PDS5B: variants seen among roughly 807,000 people sequenced by gnomAD.
PDS5B encodes PDS5 cohesin associated factor B.
In PDS5B, 51 loss-of-function variants were observed where a neutral mutation model predicts 184.1. That is an observed-to-expected ratio of 0.28 (90% CI 0.22 to 0.35). The LOEUF (loss-of-function observed/expected upper bound fraction) is 0.35, where lower values mean the gene tolerates loss of function less well. PDS5B is among the 10% of genes least tolerant of loss of function. The pLI is 1.00. For synonymous variants in PDS5B, 566 were observed against 569.2 expected (o/e 0.99, Z 0.08); for missense variants, 1,180 against 1,723.3 (o/e 0.68, Z 5.58).
chr13:32,619,090 C>T (rs543226066), intron 1 of PDS5B, among the ~76,000 whole-genome samples: 1 of 152,208 alleles, frequency 6.6e-6, no homozygotes, highest in African/African-American at 2.4e-5. Flanking sequence ...GCAAATACCC[C>T]TACCCTGTAT....
At chr13:32,647,365 G>C (rs774066149) in intron 1 of PDS5B, among the ~76,000 whole-genome samples, 12 of 152,104 alleles carry the variant, frequency 7.9e-5, no homozygotes, top group Non-Finnish European at 1.6e-4. Context: ...CTACCTCCTG[G>C]GTTCAAGCAG....
chr13:32,625,905 C>G (rs549691437), intron 1 of PDS5B, among the ~76,000 whole-genome samples: 37 of 147,182 alleles, frequency 2.5e-4, no homozygotes, highest in African/African-American at 9.1e-4. Flanking sequence ...TGGGGAAGAT[C>G]TTGGCTCACT....
intron 1 of PDS5B, among the ~76,000 whole-genome samples, chr13:32,645,211 G>A (rs748401470): frequency 4.6e-5 from 7 of 152,112 alleles, no homozygotes; most frequent in Non-Finnish European, 8.8e-5. Context: ...TTGAACTCCT[G>A]GCTTTAAGCA....
chr13:32,600,604 T>C (rs764245817), intron 1 of PDS5B, among the ~76,000 whole-genome samples: 5 of 152,174 alleles, frequency 3.3e-5, no homozygotes, highest in Non-Finnish European at 5.9e-5. Flanking sequence ...GCCGGTGTGA[T>C]GGCAGGCGCC....
At chr13:32,747,079 G>C (rs1451121421) in intron 24 of PDS5B, among the ~76,000 whole-genome samples, 2 of 152,170 alleles carry the variant, frequency 1.3e-5, no homozygotes, top group Non-Finnish European at 2.9e-5. Flanking sequence ...ATTATAAGCA[G>C]TGAAACTTTC....
intron 1 of PDS5B, among the ~76,000 whole-genome samples, chr13:32,624,671 TGG>T (rs2058346158): frequency 6.6e-6 from 1 of 152,152 alleles, no homozygotes; most frequent in Non-Finnish European, 1.5e-5. Context: ...TTGTTGAGCT[TGG>T]TATGTGGAAA....
At chr13:32,672,754 T>C (rs1020705375) in intron 7 of PDS5B, among the ~76,000 whole-genome samples, 2 of 152,204 alleles carry the variant, frequency 1.3e-5, no homozygotes, top group African/African-American at 4.8e-5. Flanking sequence ...TTCCAGCCTA[T>C]TTGGATGATG....
At chr13:32,707,345 C>CT (rs927763704) in intron 18 of PDS5B, among the ~76,000 whole-genome samples, 1 of 151,600 alleles carries the variant, frequency 6.6e-6, no homozygotes, top group Non-Finnish European at 1.5e-5. Flanking sequence ...TTCTAAAACT[C>CT]TTATTTTTTT....
At chr13:32,730,559 TG>T (rs1953075467) in intron 19 of PDS5B, among the ~76,000 whole-genome samples, 1 of 152,220 alleles carries the variant, frequency 6.6e-6, no homozygotes, top group Non-Finnish European at 1.5e-5. Context: ...TTCACGACAT[TG>T]GTTCTTCCTA....
chr13:32,732,675 A>G (rs1338539359), intron 20 of PDS5B, among the ~76,000 whole-genome samples: 2 of 152,130 alleles, frequency 1.3e-5, no homozygotes, highest in Non-Finnish European at 2.9e-5. Context: ...ATTTTGTGTC[A>G]GATATAAAGT....
intron 1 of PDS5B, among the ~76,000 whole-genome samples, chr13:32,599,029 C>G (rs933717578): frequency 6.6e-6 from 1 of 152,182 alleles, no homozygotes; most frequent in Non-Finnish European, 1.5e-5. Flanking sequence ...CTCGGCTTCC[C>G]AAAGTGCTGG....
At chr13:32,740,889 T>C (rs1000059050) in intron 21 of PDS5B, among the ~76,000 whole-genome samples, 191 bp from the exon 22 acceptor site, 1 of 151,930 alleles carries the variant, frequency 6.6e-6, no homozygotes, top group African/African-American at 2.4e-5. Flanking sequence ...ACATAGGCGC[T>C]AGTGAAGGTA....
At chr13:32,608,102 G>T (rs1307961847) in intron 1 of PDS5B, among the ~76,000 whole-genome samples, 1 of 152,182 alleles carries the variant, frequency 6.6e-6, no homozygotes, top group African/African-American at 2.4e-5. Flanking sequence ...TGGAAATGCA[G>T]AAATCACCCG....
At chr13:32,666,958 T>G (rs1054622444) in intron 6 of PDS5B, among the ~76,000 whole-genome samples, 2 of 152,084 alleles carry the variant, frequency 1.3e-5, no homozygotes. Flanking sequence ...ACAAGACATA[T>G]AATTTAATGT....
intron 10 of PDS5B, among the ~76,000 whole-genome samples, chr13:32,683,586 C>G (rs1474486532): frequency 6.6e-6 from 1 of 152,158 alleles, no homozygotes; most frequent in African/African-American, 2.4e-5. Flanking sequence ...TCCCAAAGTG[C>G]TGGGATTACA....
chr13:32,756,244 A>G (rs1954174154), intron 26 of PDS5B, among the ~76,000 whole-genome samples: 1 of 151,916 alleles, frequency 6.6e-6, no homozygotes. Flanking sequence ...TCCATTTCTT[A>G]TCTTTTCCTT....
chr13:32,759,246 G>C (rs1954292829), intron 28 of PDS5B, among the ~76,000 whole-genome samples: 1 of 152,082 alleles, frequency 6.6e-6, no homozygotes, highest in African/African-American at 2.4e-5. Context: ...TGCCAGTTAA[G>C]ACCTTACCAG....
At chr13:32,624,627 AT>A (rs756217119) in intron 1 of PDS5B, among the ~76,000 whole-genome samples, 3 of 152,022 alleles carry the variant, frequency 2.0e-5, no homozygotes, top group Non-Finnish European at 2.9e-5. Flanking sequence ...TGGTTTTCTT[AT>A]GTGTTTGTTG....
chr13:32,687,323 A>T (rs1415632054), intron 12 of PDS5B, 38 bp downstream of exon 12: 1 of 1,414,704 alleles, frequency 7.1e-7, no homozygotes. Flanking sequence ...GTGACTTTGA[A>T]TGTTATATAA....
Sources: gnomAD v4.1 joint callset for allele counts (sites outside exome capture counted in the v4.1 genomes callset) on GRCh38, gnomAD v4.1.1 for gene constraint, MANE v1.5 for transcripts, NCBI Gene and HGNC (gene_info 2026-07-23, HGNC 2026-07-21) for gene names.